Variants in CHKA observed in about 807,000 individuals in gnomAD.
CHKA encodes choline kinase alpha.
A neutral mutation model predicts 60.1 loss-of-function variants in CHKA; 34 were observed. The observed-to-expected ratio is 0.57, with a 90% CI of 0.43 to 0.75. The LOEUF is 0.75. CHKA is among the 30% of genes least tolerant of loss of function. The probability of loss-of-function intolerance (pLI) is 0.00; values close to 1 mark genes in which losing one functional copy is unlikely to be tolerated. For missense variants in CHKA, 563 were observed against 561.3 expected (o/e 1.00, Z -0.03); for synonymous variants, 217 against 223.1 (o/e 0.97, Z 0.24).
intron 2 of CHKA, among the ~76,000 whole-genome samples, chr11:68,084,203 C>T (rs1261783618): frequency 2.0e-4 from 30 of 147,948 alleles, no homozygotes; most frequent in African/African-American, 7.0e-4. Flanking sequence ...GCCAAGATCA[C>T]GCCACTGCAC....
chr11:68,121,201 G>T lies in CHKA; in HGVS notation c.-24C>A. The T allele has an allele frequency of 8.7e-7, 1 of 1,154,054 alleles. No individual in the cohort carries two copies. The highest frequency in any genetic ancestry group is 1.1e-6 in the Non-Finnish European group (1 of 937,178). The allele number at this position is 1,154,054 out of a possible 1,614,324, so 71.5% of individuals were successfully genotyped here. A position where few individuals can be genotyped will look rare whatever the true frequency, so the allele number is the denominator to read the frequency against. Reference sequence around the variant, plus strand: ...ATGCCCGACAGGCGGCCGAGGAGGCGCGGGCGGCCGCAGCGCGAGAGGACT... The same window carrying T: ...ATGCCCGACAGGCGGCCGAGGAGGCTCGGGCGGCCGCAGCGCGAGAGGACT... On this transcript the variant is annotated 5_prime_UTR_variant, in exon 1 of 12. Transcript: ENST00000265689.
rs1855891584 is a variant in CHKA at position 68,053,808 on chromosome 11, CAAG to C, written c.*177_*179del. On this transcript the variant is annotated 3_prime_UTR_variant, in exon 12 of 12. Coordinates refer to ENST00000265689, the MANE Select transcript of CHKA (RefSeq NM_001277.3). ...TTCTGAGTCCTAGTGAAATCGTAAA[CAAG>C]AGATGAAATAAACGTCGCTCCATTT... 3.8e-6 allele frequency: 2 copies of C among 522,710 alleles called. No individual in the cohort carries two copies. Among genetic ancestry groups the C allele is most frequent in the South Asian group, 2.7e-5 (1 of 36,628 alleles). The allele number at this position is 522,710 out of a possible 1,614,324, so 32.4% of individuals were successfully genotyped here.
intron 1 of CHKA, among the ~76,000 whole-genome samples, chr11:68,106,008 T>TG (rs1218957819): frequency 3.9e-5 from 6 of 152,168 alleles, no homozygotes; most frequent in Non-Finnish European, 8.8e-5. Flanking sequence ...GCCATAGGGC[T>TG]GGCTACATGG....
At chr11:68,107,585 C>A (rs1857961551) in intron 1 of CHKA, among the ~76,000 whole-genome samples, 1 of 152,054 alleles carries the variant, frequency 6.6e-6, no homozygotes, top group African/African-American at 2.4e-5. Context: ...AATGCTCCTG[C>A]CCAAATGTAT....
intron 10 of CHKA, among the ~76,000 whole-genome samples, chr11:68,063,832 C>T (rs1006153987): frequency 2.6e-5 from 4 of 152,172 alleles, no homozygotes; most frequent in South Asian, 2.1e-4. Context: ...CCCTCTCTCT[C>T]CTGGCGCCAT....
intron 1 of CHKA, among the ~76,000 whole-genome samples, chr11:68,098,811 A>G (rs555402785): frequency 1.4e-4 from 21 of 152,196 alleles, no homozygotes; most frequent in African/African-American, 4.6e-4. Context: ...CTCCTGCCTC[A>G]GCCCCCCAAG....
intron 1 of CHKA, among the ~76,000 whole-genome samples, chr11:68,113,926 G>C (rs989310924): frequency 4.6e-5 from 7 of 151,920 alleles, no homozygotes; most frequent in Non-Finnish European, 7.4e-5. Flanking sequence ...AGGAAGCGGA[G>C]GTTGCAGCAA....
At chr11:68,068,106 T>C (rs1171905527) in intron 7 of CHKA, among the ~76,000 whole-genome samples, 1 of 152,184 alleles carries the variant, frequency 6.6e-6, no homozygotes, top group East Asian at 1.9e-4. Context: ...AACATATCAC[T>C]GTCATGTTTT....
At chr11:68,080,251 G>A (rs1182414530) in intron 3 of CHKA, among the ~76,000 whole-genome samples, 1 of 152,116 alleles carries the variant, frequency 6.6e-6, no homozygotes, top group African/African-American at 2.4e-5. Context: ...CCCAGAGCAA[G>A]ACACATGTAA....
intron 1 of CHKA, among the ~76,000 whole-genome samples, chr11:68,099,051 T>G (rs1377099304): frequency 6.6e-6 from 1 of 152,142 alleles, no homozygotes; most frequent in African/African-American, 2.4e-5. Context: ...TTAAAAACAT[T>G]ATGCTAAGTG....
chr11:68,087,628 AAAAG>A (rs1857222327), intron 2 of CHKA, among the ~76,000 whole-genome samples: 1 of 152,202 alleles, frequency 6.6e-6, no homozygotes, highest in African/African-American at 2.4e-5. Context: ...TTAATAGAAA[AAAAG>A]AAAAATACAC....
At chr11:68,075,909 T>C (rs1360438053) in intron 3 of CHKA, among the ~76,000 whole-genome samples, 1 of 152,224 alleles carries the variant, frequency 6.6e-6, no homozygotes, top group Non-Finnish European at 1.5e-5. Flanking sequence ...TGTGAAGCAA[T>C]GTGCTGTGGA....
chr11:68,119,273 C>A (rs565964935), intron 1 of CHKA, among the ~76,000 whole-genome samples: 67 of 152,132 alleles, frequency 4.4e-4, no homozygotes, highest in Non-Finnish European at 7.2e-4. Flanking sequence ...GGGGCTGAAG[C>A]ACAAAGAGGA....
At chr11:68,077,072 T>C in intron 3 of CHKA, among the ~76,000 whole-genome samples, 1 of 152,062 alleles carries the variant, frequency 6.6e-6, no homozygotes, top group Non-Finnish European at 1.5e-5. Context: ...ACCCTGTCTC[T>C]ACCAAAAAAG....
chr11:68,093,007 G>GTTTT (rs34534250), intron 2 of CHKA, among the ~76,000 whole-genome samples: 2 of 139,780 alleles, frequency 1.4e-5, no homozygotes. Context: ...TTTTTTTTGG[G>GTTTT]TTTTTTTTTT....
chr11:68,085,169 G>A (rs1250594062), intron 2 of CHKA, among the ~76,000 whole-genome samples: 1 of 152,190 alleles, frequency 6.6e-6, no homozygotes, highest in East Asian at 1.9e-4. Flanking sequence ...TACAGTGACA[G>A]CATTAATAAA....
chr11:68,070,331 T>TCAC, intron 5 of CHKA, 38 bp from the exon 6 acceptor site: 2 of 1,379,732 alleles, frequency 1.4e-6, no homozygotes, highest in Non-Finnish European at 2.1e-6. Flanking sequence ...GAACAAAGAA[T>TCAC]CACCGATCAA....
intron 1 of CHKA, among the ~76,000 whole-genome samples, chr11:68,102,453 AAGAC>A (rs773354342): frequency 1.1e-4 from 17 of 152,350 alleles, no homozygotes; most frequent in Middle Eastern, 3.4e-3. Flanking sequence ...AATAGGGAAA[AAGAC>A]AGTCTCTTCA....
intron 1 of CHKA, among the ~76,000 whole-genome samples, chr11:68,107,151 C>T (rs1404153120): frequency 6.6e-6 from 1 of 151,922 alleles, no homozygotes; most frequent in Non-Finnish European, 1.5e-5. Flanking sequence ...ACTTGGGAGG[C>T]TTAGGCAGGA....
Sources: allele counts gnomAD v4.1 joint callset (sites outside exome capture counted in the v4.1 genomes callset), GRCh38; gene constraint gnomAD v4.1.1; transcripts MANE v1.5; gene names NCBI Gene and HGNC (gene_info 2026-07-23, HGNC 2026-07-21).